The following RUNX3 variants were observed in gnomAD, a reference collection of about 807,000 sequenced individuals.
RUNX3 encodes the protein runt-related transcription factor 3.
A neutral mutation model predicts 27.7 loss-of-function variants in RUNX3; 10 were observed. That is an observed-to-expected ratio of 0.36 (90% confidence interval 0.22 to 0.61). RUNX3 has a LOEUF of 0.61. Ranked by LOEUF, RUNX3 falls within the 20% of genes least tolerant of loss-of-function variation. The pLI, the probability that RUNX3 is intolerant of heterozygous loss-of-function variation, is 0.72. For synonymous variants in RUNX3, 270 were observed against 269.2 expected, an observed-to-expected ratio of 1.00 and a Z score of -0.03; for missense variants, 469 against 629.5, an observed-to-expected ratio of 0.75 and a Z score of 2.73.
chr1:24,919,529 C>T (rs977059285), intron 2 of RUNX3, 185 bp from the exon 3 acceptor site: 4 of 502,702 alleles, frequency 8.0e-6, no homozygotes, highest in Admixed American at 3.9e-5. Flanking sequence ...GCATTCAAGG[C>T]CCCTGGGGGT....
At chr1:24,933,103 G>A (rs746866215), upstream of RUNX3, among the ~76,000 whole-genome samples, 2 of 152,204 alleles carry the variant, frequency 1.3e-5, no homozygotes, top group African/African-American at 4.8e-5. Context: ...TGTGATTCAT[G>A]TGGACTCTGT....
In RUNX3 at chr1:24,900,123, T is replaced by C. The variant is rs1166047223; in HGVS notation, c.*1999A>G. 3 of 152,240 alleles carry C rather than the reference T, an allele frequency of 2.0e-5. 1 individual carries two copies. The allele number at this position is 152,240 out of a possible 1,614,324, so 9.4% of individuals were successfully genotyped here. On this transcript the variant is annotated 3_prime_UTR_variant, in exon 5 of 5. Transcript: ENST00000308873. ...AACCAGAGAACAGGAGGGAAGAAAC[T>C]ACAAGGACAATGGATTCATAGCTGC...
intron 2 of RUNX3, chr1:24,964,463 C>T (rs755958099): frequency 2.9e-5 from 43 of 1,485,654 alleles, no homozygotes; most frequent in East Asian, 7.2e-5. Context: ...GGACGTGGTC[C>T]GGGGCCTGGC....
chr1:24,913,461 G>A (rs184204757), intron 3 of RUNX3, among the ~76,000 whole-genome samples: 4 of 152,252 alleles, frequency 2.6e-5, no homozygotes, highest in Non-Finnish European at 5.9e-5. Context: ...TCTAACCCCC[G>A]AGGGTCAGGA....
chr1:24,919,265 G>A lies in RUNX3; in HGVS notation c.519C>T (p.Thr173=), dbSNP rs754513916. The A allele has an allele frequency of 3.2e-5, 51 of 1,601,022 alleles. No individual in the cohort carries two copies. The highest frequency in any genetic ancestry group is 1.8e-4 in the East Asian group (8 of 43,244). Residue 173 remains threonine, a synonymous_variant, in exon 3 of 5, where the codon ACC becomes ACT. Transcript: ENST00000308873. ...VATYHRAIKV[T]VDGPREPRRH... ...GTCTGGGCTCCCGGGGTCCGTCCAC[G>A]GTCACCTTGATGGCTCGGTGGTAGG...
At chr1:24,957,218 C>T (rs1336653169) in intron 2 of RUNX3, among the ~76,000 whole-genome samples, 2 of 152,196 alleles carry the variant, frequency 1.3e-5, no homozygotes, top group Non-Finnish European at 2.9e-5. Flanking sequence ...CCGATTGGAC[C>T]GGAGTGCTCA....
Position 24,943,739 on chromosome 1 carries a change from G to A in RUNX3, c.59-13887C>T, listed in dbSNP as rs1033758279. On this transcript the variant is annotated intron_variant, in intron 2 of 6. Coordinates refer to the RUNX3 transcript ENST00000338888. The surrounding 1 kb of genome is among the most constrained non-coding windows in gnomAD (Gnocchi z 4.6). ...TCCCCCAGGTCATCGTGGGACCTCC[G>A]CTGGTCCCTGAATGTCAGGCCCCCT... Among the ~76,000 whole-genome samples the A allele has an allele frequency of 3.3e-5, 5 of 152,196 alleles. No homozygotes were observed. The highest frequency in any genetic ancestry group is 1.2e-4 in the African/African-American group (5 of 41,446).
At position 24,929,923 on chromosome 1, in the gene RUNX3, G is replaced by A. The variant is rs1227518761; in HGVS notation, c.-55C>T. ...GGAGACGGCGCGGCTTCCCCCGGGG[G>A]CGGCCGGCGCGGGCGCCTCCTCGGC... is the stretch of plus-strand genomic sequence containing the variant. On this transcript the variant is annotated 5_prime_UTR_variant, in exon 1 of 5. Transcript: ENST00000308873. The A allele has an allele frequency of 1.6e-6, 2 of 1,227,388 alleles. No individual in the cohort carries two copies. The highest frequency in any genetic ancestry group is 1.6e-5 in the African/African-American group (1 of 63,566). 76.0% of individuals were successfully genotyped at this position (1,227,388 alleles called of 1,614,324 possible).
upstream of RUNX3, chr1:24,930,417 C>G (rs1310504817): frequency 5.5e-6 from 1 of 181,648 alleles, no homozygotes; most frequent in Non-Finnish European, 1.1e-5. The surrounding 1 kb of genome is among the most constrained non-coding windows in gnomAD (Gnocchi z 4.1). Flanking sequence ...CGGGGCCTGC[C>G]GGAGGCCGCC....
chr1:24,963,009 G>T (rs1393008843), intron 2 of RUNX3: 1 of 152,226 alleles, frequency 6.6e-6, no homozygotes, highest in African/African-American at 2.4e-5. Context: ...ACTACAAAGG[G>T]AACAACGTTA....
chr1:24,901,041 T>TTTG lies in RUNX3; in HGVS notation c.*1080_*1081insCAA, dbSNP rs1553199941. 56 of 144,924 alleles carry TTTG rather than the reference T, an allele frequency of 3.9e-4. No individual in the cohort carries two copies. The highest frequency in any genetic ancestry group is 1.5e-3 in the African/African-American group (53 of 36,330). The allele number at this position is 144,924 out of a possible 1,614,324, so 9.0% of individuals were successfully genotyped here. A position where few individuals can be genotyped will look rare whatever the true frequency, so the allele number is the denominator to read the frequency against. On this transcript the variant is annotated 3_prime_UTR_variant, in exon 5 of 5. Coordinates refer to ENST00000308873, the MANE Select transcript of RUNX3 (RefSeq NM_004350.3). Reference sequence around the variant, plus strand: ...TGTTTTTTTTTTGTTTTTTTGTTTTTTTTTTTTTTTTGCTCAGGACTATTT... The same window carrying TTTG: ...TGTTTTTTTTTTGTTTTTTTGTTTTTTTGTTTTTTTTTTTGCTCAGGACTATTT...
Position 24,902,405 on chromosome 1 carries a change from G to A in RUNX3, c.965C>T (p.Pro322Leu). The A allele has an allele frequency of 6.2e-7, 1 of 1,612,584 alleles. No homozygotes were observed. Among genetic ancestry groups the A allele is most frequent in the African/African-American group, 1.3e-5 (1 of 75,048 alleles). Residue 322 changes from proline to leucine, a missense_variant, in exon 5 of 5, where the codon CCC (proline) becomes CTC (leucine). Pro to Leu is a moderately conservative substitution (Grantham distance 98). Coordinates refer to ENST00000308873, the MANE Select transcript of RUNX3 (RefSeq NM_004350.3). The surrounding 1 kb of genome is among the most constrained non-coding windows in gnomAD (Gnocchi z 9.2). ...GTAGGGGGACGGGTTGGCCTGGAAG[G>A]GCCCGCTCTGGTTCTGCGGGGCCCC... ...YPGAPQNQSG[P>L]FQANPSPYHL... is the part of the protein sequence containing the mutation.
Position 24,929,683 on chromosome 1 carries a change from G to A in RUNX3, c.186C>T (p.His62=). Residue 62 remains histidine (H), a synonymous_variant, in exon 1 of 5, where the codon CAC becomes CAT. Transcript: ENST00000308873. ...TGTCGGTGCGCACGAGCTCGCCTGC[G>A]TGGTCCGCCAGCACGTCCACCATCG... ...VRSMVDVLAD[H]AGELVRTDSP... is the part of the protein sequence containing the mutation. 2 of 1,586,482 alleles carry A rather than the reference G, an allele frequency of 1.3e-6. No individual in the cohort carries two copies. The highest frequency in any genetic ancestry group is 1.7e-5 in the Admixed American group (1 of 57,492).
At chr1:24,946,172 C>T (rs949117130) in intron 2 of RUNX3, among the ~76,000 whole-genome samples, 1 of 152,054 alleles carries the variant, frequency 6.6e-6, no homozygotes, top group African/African-American at 2.4e-5. Context: ...CCTGAACCGC[C>T]CCCCATTCCT....
rs1028405500 is a variant in RUNX3, at chr1:24,930,237, C to T, written c.-369G>A. On this transcript the variant is annotated 5_prime_UTR_variant, in exon 1 of 5. Transcript: ENST00000308873. This position sits in a 1 kb window ranked among gnomAD's most constrained non-coding sequence, Gnocchi z 4.1. ...CTCGCCCGCGGCCGCCCCGACTCCG[C>T]GGCCGCAGCCCCAGAACAAATCCTC... is the stretch of plus-strand genomic sequence containing the variant. The T allele has an allele frequency of 7.8e-5, 77 of 982,968 alleles. No individual in the cohort carries two copies. Among genetic ancestry groups the T allele is most frequent in the Non-Finnish European group, 8.9e-5 (74 of 828,952 alleles). 60.9% of individuals were successfully genotyped at this position (982,968 alleles called of 1,614,324 possible). A position where few individuals can be genotyped will look rare whatever the true frequency, so the allele number is the denominator to read the frequency against.
intron 2 of RUNX3, among the ~76,000 whole-genome samples, chr1:24,945,938 G>T (rs192967741): frequency 6.6e-6 from 1 of 152,004 alleles, no homozygotes; most frequent in Non-Finnish European, 1.5e-5. Flanking sequence ...TGTCCTTTAC[G>T]TTCCCTGACT....
intron 2 of RUNX3, among the ~76,000 whole-genome samples, chr1:24,941,841 G>A (rs181299498): frequency 2.4e-4 from 36 of 152,318 alleles, no homozygotes; most frequent in African/African-American, 8.4e-4. Context: ...CAGCCAAACG[G>A]AGCTAGAGCA....
intron 2 of RUNX3, among the ~76,000 whole-genome samples, chr1:24,944,155 G>GA (rs1247387139): frequency 6.6e-6 from 1 of 152,170 alleles, no homozygotes; most frequent in Non-Finnish European, 1.5e-5. Context: ...GGGGGCCGTT[G>GA]AGGGGCAGGA....
intron 2 of RUNX3, among the ~76,000 whole-genome samples, chr1:24,947,387 G>T (rs1292701146): frequency 1.3e-5 from 2 of 152,212 alleles, no homozygotes; most frequent in Non-Finnish European, 2.9e-5. Context: ...CTGTGAAATG[G>T]GAGAGCAGGG....
Sources: allele counts gnomAD v4.1 joint callset (sites outside exome capture counted in the v4.1 genomes callset), GRCh38; gene constraint gnomAD v4.1.1; non-coding constraint Gnocchi (gnomAD v3.1); transcripts MANE v1.5; gene names NCBI Gene and HGNC (gene_info 2026-07-23, HGNC 2026-07-21).